CCDC73: variants seen among roughly 807,000 people sequenced by gnomAD.
CCDC73 encodes the protein coiled-coil domain containing 73, also known as coiled-coil domain-containing protein 73.
CCDC73 carries 95 observed loss-of-function variants against 116.5 expected under a neutral mutation model. The observed-to-expected ratio is 0.82, with a 90% CI of 0.69 to 0.97. The LOEUF (loss-of-function observed/expected upper bound fraction) is 0.97. Among genes scored for constraint, CCDC73 ranks in the 50% least tolerant of loss-of-function variants. The probability of loss-of-function intolerance (pLI) is 0.00; values close to 1 mark genes in which losing one functional copy is unlikely to be tolerated. For synonymous variants in CCDC73, 398 were observed against 401.3 expected (o/e 0.99, Z 0.10); for missense variants, 1,066 against 1,206.8 (o/e 0.88, Z 1.73).
At chr11:32,632,802 GA>G (rs899628576) in intron 14 of CCDC73, among the ~76,000 whole-genome samples, 8 of 151,994 alleles carry the variant, frequency 5.3e-5, no homozygotes, top group African/African-American at 1.7e-4. Flanking sequence ...GAATGAAAAT[GA>G]AAAAACTACA....
chr11:32,643,982 T>C (rs1855755152), intron 12 of CCDC73, among the ~76,000 whole-genome samples: 1 of 152,140 alleles, frequency 6.6e-6, no homozygotes, highest in Non-Finnish European at 1.5e-5. Flanking sequence ...CTATAAGCTT[T>C]CTATTTTTAA....
intron 17 of CCDC73, among the ~76,000 whole-genome samples, chr11:32,609,819 A>G (rs1473097289): frequency 6.6e-6 from 1 of 152,044 alleles, no homozygotes; most frequent in Non-Finnish European, 1.5e-5. Context: ...TCGCTCTGTC[A>G]TCCAGGCTGG....
At chr11:32,765,127 T>A (rs907103692) in intron 1 of CCDC73, among the ~76,000 whole-genome samples, 5 of 151,758 alleles carry the variant, frequency 3.3e-5, no homozygotes, top group African/African-American at 1.2e-4. Context: ...GTCCTTAGAG[T>A]CCTACAAAGA....
intron 2 of CCDC73, among the ~76,000 whole-genome samples, chr11:32,756,820 T>C (rs1850347842): frequency 6.6e-6 from 1 of 152,070 alleles, no homozygotes; most frequent in Non-Finnish European, 1.5e-5. Flanking sequence ...CTGTTTTAAA[T>C]GCTAAATAAA....
intron 1 of CCDC73, among the ~76,000 whole-genome samples, chr11:32,763,825 G>A (rs898002870): frequency 1.3e-5 from 2 of 152,190 alleles, no homozygotes; most frequent in African/African-American, 2.4e-5. Flanking sequence ...CAAGCTAAAG[G>A]AGGAAGTTCA....
the CCDC73 span, chr11:32,829,745 G>A: frequency 2.0e-6 from 2 of 984,650 alleles, no homozygotes; most frequent in South Asian, 4.7e-5. Context: ...GCCAAGGCGG[G>A]GCCAGAACTG....
chr11:32,731,790 A>G (rs1372049652), intron 2 of CCDC73, among the ~76,000 whole-genome samples: 9 of 152,250 alleles, frequency 5.9e-5, no homozygotes, highest in African/African-American at 1.7e-4. Context: ...AAAGGTAGAT[A>G]AAACCACAAA....
intron 6 of CCDC73, among the ~76,000 whole-genome samples, chr11:32,695,318 G>A (rs193260624): frequency 4.1e-4 from 62 of 150,798 alleles, no homozygotes; most frequent in African/African-American, 1.3e-3. Context: ...GCAATGAGCC[G>A]AGATCGCGCC....
chr11:32,821,145 T>A, the CCDC73 span, among the ~76,000 whole-genome samples: 1 of 152,228 alleles, frequency 6.6e-6, no homozygotes, highest in Admixed American at 6.5e-5. Flanking sequence ...GGAGAAGATA[T>A]TATCCACACA....
intron 12 of CCDC73, among the ~76,000 whole-genome samples, chr11:32,647,893 T>C (rs555237218): frequency 6.6e-6 from 1 of 151,576 alleles, no homozygotes; most frequent in Non-Finnish European, 1.5e-5. Context: ...ATTCACATCA[T>C]AGTTAATTTC....
chr11:32,734,379 C>T (rs1403454588), intron 2 of CCDC73, among the ~76,000 whole-genome samples: 1 of 151,530 alleles, frequency 6.6e-6, no homozygotes, highest in African/African-American at 2.4e-5. Flanking sequence ...TGAAACTATT[C>T]CAATCAATAG....
intron 15 of CCDC73, 109 bp downstream of exon 15, chr11:32,615,831 G>A (rs1443811334): frequency 1.9e-6 from 2 of 1,044,220 alleles, no homozygotes; most frequent in Non-Finnish European, 2.7e-6. Context: ...AATCCAAAAA[G>A]ACTAGGAATA....
At position 32,611,150 on chromosome 11, in the gene CCDC73, G is replaced by A. The variant is rs753992743; in HGVS notation, c.3012C>T (p.Ser1004=). ...KNAMAKTFYD[S]SFPTEHVKTK... is the part of the protein sequence containing the mutation. ...GACTTACATGTTCTGTGGGAAAAGA[G>A]GAATCATAAAAAGTCTTTGCCATTG... Residue 1004 remains serine, a synonymous_variant, in exon 17 of 18, where the codon TCC becomes TCT. Coordinates refer to ENST00000335185, the MANE Select transcript of CCDC73 (RefSeq NM_001008391.4). The A allele has an allele frequency of 1.2e-6, 2 of 1,613,808 alleles. No individual in the cohort carries two copies. Among genetic ancestry groups the A allele is most frequent in the Non-Finnish European group, 1.7e-6 (2 of 1,179,838 alleles).
intron 2 of CCDC73, among the ~76,000 whole-genome samples, chr11:32,751,250 G>T (rs1261565621): frequency 6.6e-6 from 1 of 152,088 alleles, no homozygotes; most frequent in Non-Finnish European, 1.5e-5. Flanking sequence ...AGTCTCTTTG[G>T]GAGCTGTACA....
At chr11:32,603,322 T>C (rs1590534645) in intron 17 of CCDC73, 2 of 253,452 alleles carry the variant, frequency 7.9e-6, no homozygotes, top group East Asian at 7.6e-5. Context: ...CAGTGAGATA[T>C]TTGGAAGTTG....
At chr11:32,704,478 G>T (rs555692252) in intron 3 of CCDC73, among the ~76,000 whole-genome samples, 1 of 152,210 alleles carries the variant, frequency 6.6e-6, no homozygotes, top group Non-Finnish European at 1.5e-5. Context: ...GAAACTTAGG[G>T]CACCAATGAG....
chr11:32,764,835 C>T (rs548818233), intron 1 of CCDC73, among the ~76,000 whole-genome samples: 15 of 152,264 alleles, frequency 9.9e-5, no homozygotes, highest in Middle Eastern at 3.4e-3. Flanking sequence ...GATAAAGGGT[C>T]AAGACCCATC....
At position 32,616,000 on chromosome 11, in the gene CCDC73, C is replaced by A; in HGVS notation, c.1315G>T (p.Glu439Ter). Residue 439 changes from glutamate to a stop codon, truncating the protein, a stop_gained, in exon 15 of 18, where the codon GAA (glutamate) becomes TAA (stop). Transcript: ENST00000335185. LOFTEE classifies it high-confidence loss of function. ...ENMENFCSDT[E>*]YREKEEKKEG... ...TTTTTTTCTTCTTTTTCTCTGTATT[C>A]AGTATCTGAACAAAAATTCTCCATA... The A allele has an allele frequency of 1.3e-6, 2 of 1,599,598 alleles. No homozygotes were observed. The highest frequency in any genetic ancestry group is 1.7e-6 in the Non-Finnish European group (2 of 1,171,440).
At chr11:32,775,038 C>T (rs906046705) in intron 1 of CCDC73, among the ~76,000 whole-genome samples, 18 of 152,242 alleles carry the variant, frequency 1.2e-4, no homozygotes, top group Admixed American at 1.2e-3. Context: ...GAAAAAATAA[C>T]ATTTTAAAAA....
Sources: gnomAD v4.1 joint callset for allele counts (sites outside exome capture counted in the v4.1 genomes callset) on GRCh38, gnomAD v4.1.1 for gene constraint, MANE v1.5 for transcripts, NCBI Gene and HGNC (gene_info 2026-07-23, HGNC 2026-07-21) for gene names.